Variants in PCSK6 observed in about 807,000 individuals in gnomAD.
PCSK6 encodes the protein paired basic amino acid cleaving enzyme 4.
In PCSK6, 85 loss-of-function variants were observed where a neutral mutation model predicts 123.3. The ratio of observed to expected loss-of-function variants is 0.69; its 90% CI spans 0.58 to 0.83. PCSK6 has a LOEUF of 0.83. Ranked by LOEUF, PCSK6 falls within the 40% of genes least tolerant of loss-of-function variation. PCSK6 has a pLI of 0.00. For synonymous variants in PCSK6, 508 were observed against 516.0 expected, an observed-to-expected ratio of 0.98 and a Z score of 0.21; for missense variants, 1,191 against 1,282.3, an observed-to-expected ratio of 0.93 and a Z score of 1.09.
intron 20 of PCSK6, 171 bp from the exon 21 acceptor site, chr15:101,307,496 A>G: frequency 1.7e-6 from 1 of 591,604 alleles, no homozygotes; most frequent in Non-Finnish European, 3.0e-6. Flanking sequence ...GAGTGTCTGC[A>G]TGTCTTTTCT....
At chr15:101,450,619 T>C (rs940268187) in intron 1 of PCSK6, among the ~76,000 whole-genome samples, 2 of 152,232 alleles carry the variant, frequency 1.3e-5, no homozygotes, top group Non-Finnish European at 2.9e-5. Context: ...AACAGACTTC[T>C]GTCTCCAAAT....
chr15:101,419,155 T>C (rs1017244330), intron 6 of PCSK6, among the ~76,000 whole-genome samples: 19 of 151,936 alleles, frequency 1.3e-4, no homozygotes, highest in Non-Finnish European at 2.5e-4. Context: ...AAAACCACCA[T>C]TATATTTACA....
chr15:101,349,163 A>C (rs1257996833), intron 13 of PCSK6, among the ~76,000 whole-genome samples: 2 of 152,202 alleles, frequency 1.3e-5, no homozygotes, highest in African/African-American at 4.8e-5. Context: ...CCCTGTGGGA[A>C]CTTCCTGAAT....
chr15:101,403,180 C>G (rs1397967230), intron 6 of PCSK6, among the ~76,000 whole-genome samples: 1 of 147,350 alleles, frequency 6.8e-6, no homozygotes, highest in Non-Finnish European at 1.5e-5. Context: ...GACAAAAAAC[C>G]AAACACCGCA....
At chr15:101,381,451 C>T (rs191061069) in intron 11 of PCSK6, among the ~76,000 whole-genome samples, 7 of 152,252 alleles carry the variant, frequency 4.6e-5, no homozygotes, top group Non-Finnish European at 4.4e-5. Context: ...GCCCTGCTCA[C>T]GGGAGAGAGA....
At chr15:101,381,617 C>A (rs191124539) in intron 11 of PCSK6, among the ~76,000 whole-genome samples, 59 of 152,318 alleles carry the variant, frequency 3.9e-4, no homozygotes, top group Non-Finnish European at 1.2e-4. Context: ...AGAGGCTGAC[C>A]CAGCTGCTCC....
At chr15:101,431,581 C>T (rs2056449258) in intron 3 of PCSK6, 118 bp from the exon 4 acceptor site, 3 of 1,171,542 alleles carry the variant, frequency 2.6e-6, no homozygotes, top group South Asian at 2.6e-5. Flanking sequence ...GGAGGGAACA[C>T]CTATCCCTGC....
At chr15:101,323,483 C>T (rs1265145943) in intron 17 of PCSK6, among the ~76,000 whole-genome samples, 4 of 152,216 alleles carry the variant, frequency 2.6e-5, no homozygotes, top group Admixed American at 2.6e-4. Context: ...GTAATCCCAG[C>T]ACTTTGGGAG....
intron 13 of PCSK6, among the ~76,000 whole-genome samples, chr15:101,352,297 G>T (rs886948296): frequency 6.6e-6 from 1 of 151,608 alleles, no homozygotes; most frequent in Non-Finnish European, 1.5e-5. Flanking sequence ...ACAGGTGGCC[G>T]CCACTGCGCC....
chr15:101,451,650 G>C lies in PCSK6; in HGVS notation c.298-7990C>G, dbSNP rs146604497. On this transcript the variant is annotated intron_variant, in intron 1 of 21. Transcript: ENST00000611716. Reference sequence around the variant, plus strand: ...TCCGCTCCGCAGCTGCAGCGTGCCTGCTTCCGGAGCCGCTTGTCTGTCTTC... The same window carrying C: ...TCCGCTCCGCAGCTGCAGCGTGCCTCCTTCCGGAGCCGCTTGTCTGTCTTC... 6.5e-3 allele frequency among the ~76,000 whole-genome samples: 994 copies of C among 152,352 alleles called. 10 individuals carry two copies. The highest frequency in any genetic ancestry group is 0.023 in the African/African-American group (951 of 41,568).
At chr15:101,433,521 G>A (rs971946964) in intron 2 of PCSK6, among the ~76,000 whole-genome samples, 3 of 152,208 alleles carry the variant, frequency 2.0e-5, no homozygotes, top group Non-Finnish European at 4.4e-5. Context: ...CGAGGAGTCT[G>A]CACTACATTC....
At chr15:101,374,420 A>T (rs2904603) in intron 11 of PCSK6, among the ~76,000 whole-genome samples, 1 of 152,080 alleles carries the variant, frequency 6.6e-6, no homozygotes, top group Non-Finnish European at 1.5e-5. Flanking sequence ...TTCCTGTTCT[A>T]CCTGGGAAGC....
chr15:101,340,436 C>T (rs2040575499), intron 13 of PCSK6, among the ~76,000 whole-genome samples: 1 of 152,140 alleles, frequency 6.6e-6, no homozygotes, highest in African/African-American at 2.4e-5. Context: ...TTAATGGCAT[C>T]TATAAGGTCA....
chr15:101,444,761 A>C (rs2056842809), intron 1 of PCSK6, among the ~76,000 whole-genome samples: 1 of 152,188 alleles, frequency 6.6e-6, no homozygotes, highest in African/African-American at 2.4e-5. Flanking sequence ...TACCCGACTC[A>C]CAACTCCTTG....
rs187359697 is a variant in PCSK6, at chr15:101,313,556, C to T, written c.2570-51G>A. 1.1e-4 allele frequency: 177 copies of T among 1,554,626 alleles called. No individual in the cohort carries two copies. The East Asian group carries it at 3.9e-3, about 34-fold the overall frequency. On this transcript the variant is annotated intron_variant, in intron 19 of 21. Transcript: ENST00000611716. The stretch of plus-strand genomic sequence containing the variant: ...GTATCAGGGATGGCTGGCAGAAGAC[C>T]ATGCCCCAGGCCTGCTTCAGGGCCT...
At chr15:101,455,400 C>A (rs2057153809) in intron 1 of PCSK6, among the ~76,000 whole-genome samples, 1 of 152,246 alleles carries the variant, frequency 6.6e-6, no homozygotes, top group African/African-American at 2.4e-5. Context: ...TGTGTGGTTT[C>A]CCTTAAAGGG....
intron 13 of PCSK6, chr15:101,347,571 G>C: frequency 2.8e-6 from 4 of 1,433,450 alleles, no homozygotes; most frequent in Non-Finnish European, 2.8e-6. Context: ...ACGCATTCAT[G>C]CAGTCAATCA....
chr15:101,443,548 C>T lies in PCSK6; in HGVS notation c.402+8G>A. The T allele has an allele frequency of 6.3e-7, 1 of 1,599,230 alleles. No homozygotes were observed. Among genetic ancestry groups the T allele is most frequent in the Non-Finnish European group, 8.6e-7 (1 of 1,166,466 alleles). ...CAGCCCTTAGGAAAGCATCCGGACA[C>T]TCTGTACCTGGGGGTCCATTCTGAG... On this transcript the variant is annotated splice_region_variant and intron_variant, in intron 2 of 21. Transcript: ENST00000611716.
In PCSK6 at chr15:101,370,521, C is replaced by T. The variant is rs1221193149; in HGVS notation, c.1535G>A (p.Ser512Asn). The change falls in exon 12 of 22, where the codon AGC becomes AAC. Residue 512 changes from serine (S) to asparagine (N), a missense_variant and splice_region_variant. Around this residue, in one of 3 missense-constraint regions of PCSK6, gnomAD observed 630 missense variants for 631.4 expected, o/e 1.00. Transcript: ENST00000611716. ...CCGCAGCACCTGCACTAAGGGGATG[C>T]TCCTGGGGGAGAAGGGAGGGCTCAG... ...CVAASDKRPR[S>N]IPLVQVLRTT... 5.4e-6 allele frequency: 8 copies of T among 1,479,056 alleles called. No homozygotes were observed. Among genetic ancestry groups the T allele is most frequent in the African/African-American group, 4.2e-5 (3 of 70,938 alleles). 91.6% of individuals were successfully genotyped at this position (1,479,056 alleles called of 1,614,324 possible). A position where few individuals can be genotyped will look rare whatever the true frequency, so the allele number is the denominator to read the frequency against.
Sources: gnomAD v4.1 joint callset for allele counts (sites outside exome capture counted in the v4.1 genomes callset) on GRCh38, gnomAD v4.1.1 for gene constraint, gnomAD v4.1.1 regional missense constraint, MANE v1.5 for transcripts, NCBI Gene and HGNC (gene_info 2026-07-23, HGNC 2026-07-21) for gene names.